The following PTPRD variants were observed in gnomAD, a reference collection of about 807,000 sequenced individuals.
The protein encoded by PTPRD is protein tyrosine phosphatase receptor type D, also known as receptor-type tyrosine-protein phosphatase delta.
PTPRD carries 34 observed loss-of-function variants against 214.5 expected under a neutral mutation model. The ratio of observed to expected loss-of-function variants is 0.16; its 90% CI spans 0.12 to 0.21. The LOEUF (loss-of-function observed/expected upper bound fraction) is 0.21. PTPRD is among the 10% of genes least tolerant of loss of function. The probability of loss-of-function intolerance (pLI) is 1.00; values close to 1 mark genes in which losing one functional copy is unlikely to be tolerated. For synonymous variants in PTPRD, 1,128 were observed against 845.7 expected, an observed-to-expected ratio of 1.33 and a Z score of -5.79; for missense variants, 2,545 against 2,398.7, an observed-to-expected ratio of 1.06 and a Z score of -1.27.
At chr9:8,933,775 C>G (rs186753049) in intron 11 of PTPRD, among the ~76,000 whole-genome samples, 1 of 152,050 alleles carries the variant, frequency 6.6e-6, no homozygotes, top group African/African-American at 2.4e-5. Flanking sequence ...GACAAAAACA[C>G]GTTTGGTAGC....
intron 7 of PTPRD, among the ~76,000 whole-genome samples, chr9:9,678,529 C>G (rs1007388388): frequency 6.6e-6 from 1 of 151,646 alleles, no homozygotes; most frequent in Non-Finnish European, 1.5e-5. Context: ...ATAAAAAATC[C>G]TTCGTATTTT....
intron 12 of PTPRD, among the ~76,000 whole-genome samples, chr9:8,690,207 T>C (rs1042836757): frequency 6.6e-6 from 1 of 152,064 alleles, no homozygotes; most frequent in Non-Finnish European, 1.5e-5. Context: ...TTCACATATA[T>C]GACTTTACAT....
intron 8 of PTPRD, among the ~76,000 whole-genome samples, chr9:9,479,427 C>T (rs1027945844): frequency 2.0e-5 from 3 of 151,658 alleles, no homozygotes; most frequent in Admixed American, 6.6e-5. Context: ...GAATTATTTC[C>T]CAATAATAAC....
At chr9:9,645,371 A>T (rs1386777830) in intron 7 of PTPRD, among the ~76,000 whole-genome samples, 1 of 151,174 alleles carries the variant, frequency 6.6e-6, no homozygotes, top group African/African-American at 2.4e-5. Context: ...TAAACTCCCA[A>T]TTTTTTTGTT....
At chr9:9,016,820 G>A (rs868026831) in intron 11 of PTPRD, among the ~76,000 whole-genome samples, 6 of 152,142 alleles carry the variant, frequency 3.9e-5, no homozygotes, top group South Asian at 2.1e-4. Context: ...CTTTCAGAAT[G>A]ACAACTTGCT....
intron 10 of PTPRD, among the ~76,000 whole-genome samples, chr9:9,034,847 C>T (rs767354345): frequency 1.3e-5 from 2 of 152,278 alleles, no homozygotes; most frequent in South Asian, 2.1e-4. Flanking sequence ...ATGAATGCTA[C>T]TTATTAATAG....
intron 13 of PTPRD, among the ~76,000 whole-genome samples, 156 bp from the exon 14 acceptor site, chr9:8,633,614 T>A (rs555008774): frequency 1.8e-4 from 27 of 152,172 alleles, no homozygotes; most frequent in Admixed American, 1.3e-4. Flanking sequence ...AAATATTTGG[T>A]CTAATTTAGT....
chr9:8,929,626 T>C (rs909715670), intron 11 of PTPRD, among the ~76,000 whole-genome samples: 1 of 151,308 alleles, frequency 6.6e-6, no homozygotes, highest in African/African-American at 2.4e-5. Context: ...TCGATGTTCA[T>C]CAGGGCTATT....
chr9:9,459,972 C>A (rs1261677689), intron 8 of PTPRD, among the ~76,000 whole-genome samples: 2 of 151,860 alleles, frequency 1.3e-5, no homozygotes, highest in East Asian at 1.9e-4. Context: ...AACCAAAACA[C>A]CATGGAACTG....
chr9:8,558,079 A>T (rs2141119410), intron 14 of PTPRD, among the ~76,000 whole-genome samples: 1 of 152,280 alleles, frequency 6.6e-6, no homozygotes. Flanking sequence ...CCGATATAGA[A>T]ATAATGATGT....
intron 2 of PTPRD, among the ~76,000 whole-genome samples, chr9:10,447,447 T>C (rs929160611): frequency 5.9e-5 from 9 of 151,994 alleles, no homozygotes; most frequent in Non-Finnish European, 1.2e-4. Flanking sequence ...CTCTGGCTTT[T>C]GGGAGCTTGG....
chr9:8,981,716 AT>A lies in PTPRD; in HGVS notation c.-104+36980del, dbSNP rs763046353. On this transcript the variant is annotated intron_variant, in intron 11 of 45. Transcript: ENST00000381196. ...AATTTCTTTTTCTCCTCCTTATAGG[AT>A]TTTTTTTTGAGGACTAAATGAGATA... Among the ~76,000 whole-genome samples the A allele has an allele frequency of 2.5e-3, 385 of 151,456 alleles. 2 individuals are homozygous for A. Among genetic ancestry groups the A allele is most frequent in the East Asian group, 0.011 (57 of 5,160 alleles).
intron 8 of PTPRD, among the ~76,000 whole-genome samples, chr9:9,494,157 T>G (rs953204756): frequency 6.6e-6 from 1 of 151,802 alleles, no homozygotes; most frequent in African/African-American, 2.4e-5. Flanking sequence ...ACATGAGGAG[T>G]TGCTTCTTAT....
chr9:10,052,969 T>C (rs2097561270), intron 3 of PTPRD, among the ~76,000 whole-genome samples: 1 of 152,196 alleles, frequency 6.6e-6, no homozygotes, highest in African/African-American at 2.4e-5. Flanking sequence ...TCTTTACATG[T>C]ATTTACTTGT....
chr9:8,923,037 CTGTCT>C (rs1241413486), intron 11 of PTPRD, among the ~76,000 whole-genome samples: 3 of 73,236 alleles, frequency 4.1e-5, no homozygotes, highest in African/African-American at 2.0e-4. Context: ...CTCTTTTTGT[CTGTCT>C]TTTTTTTTGT....
chr9:8,772,529 G>A (rs2095276268), intron 11 of PTPRD, among the ~76,000 whole-genome samples: 1 of 151,950 alleles, frequency 6.6e-6, no homozygotes, highest in African/African-American at 2.4e-5. Context: ...CATGCCTGTG[G>A]TCCCAGCTAC....
In PTPRD at chr9:8,317,758, T is replaced by A. The variant is rs181789653; in HGVS notation, c.*116A>T. ...TTTGTTTTGTGTGTAATAGTCCCAC[T>A]AAGTAGTTGTTAGCTAGAAGTTAAG... On this transcript the variant is annotated 3_prime_UTR_variant, in exon 46 of 46. Transcript: ENST00000381196. 1.2e-6 allele frequency: 1 copy of A among 815,850 alleles called. No individual in the cohort carries two copies. Among genetic ancestry groups the A allele is most frequent in the African/African-American group, 1.7e-5 (1 of 58,232 alleles). 50.5% of individuals were successfully genotyped at this position (815,850 alleles called of 1,614,324 possible). A position where few individuals can be genotyped will look rare whatever the true frequency, so the allele number is the denominator to read the frequency against.
At chr9:10,467,628 T>C (rs961153011) in intron 2 of PTPRD, among the ~76,000 whole-genome samples, 12 of 151,990 alleles carry the variant, frequency 7.9e-5, no homozygotes, top group African/African-American at 2.9e-4. Flanking sequence ...ATTATATCAA[T>C]ATATATGTAT....
At chr9:9,393,307 G>C (rs972519155) in intron 9 of PTPRD, among the ~76,000 whole-genome samples, 6 of 152,298 alleles carry the variant, frequency 3.9e-5, no homozygotes, top group Admixed American at 3.3e-4. Context: ...ACATTAGCAA[G>C]CTTGATACCA....
Sources: allele counts gnomAD v4.1 joint callset (sites outside exome capture counted in the v4.1 genomes callset), GRCh38; gene constraint gnomAD v4.1.1; transcripts MANE v1.5; gene names NCBI Gene and HGNC (gene_info 2026-07-23, HGNC 2026-07-21).